Variants in GMDS observed in about 807,000 individuals in gnomAD.
GMDS encodes the protein GDP-mannose 4,6 dehydratase.
A neutral mutation model predicts 49.9 loss-of-function variants in GMDS; 20 were observed. The observed-to-expected ratio is 0.40, with a 90% CI of 0.28 to 0.58. GMDS has a LOEUF of 0.58. Ranked by LOEUF, GMDS falls within the 20% of genes least tolerant of loss-of-function variation. The pLI is 0.42. For synonymous variants in GMDS, 177 were observed against 178.6 expected (o/e 0.99, Z 0.07); for missense variants, 362 against 481.4 (o/e 0.75, Z 2.32).
chr6:1,688,575 A>T (rs1004075292), intron 9 of GMDS, among the ~76,000 whole-genome samples: 2 of 152,256 alleles, frequency 1.3e-5, no homozygotes, highest in Non-Finnish European at 2.9e-5. Context: ...TTAGCTATTG[A>T]GTCACAAATC....
At chr6:2,243,107 G>T (rs544472855) in intron 1 of GMDS, among the ~76,000 whole-genome samples, 65 of 152,230 alleles carry the variant, frequency 4.3e-4, no homozygotes, top group Admixed American at 4.2e-3. Flanking sequence ...GCAGATGCCG[G>T]AGGGAAGAAA....
intron 7 of GMDS, among the ~76,000 whole-genome samples, chr6:1,756,120 C>G (rs1026597508): frequency 6.6e-6 from 1 of 152,148 alleles, no homozygotes; most frequent in Non-Finnish European, 1.5e-5. Flanking sequence ...TTACCATAAA[C>G]AATATATTCC....
At chr6:2,195,183 T>A (rs1260760522) in intron 1 of GMDS, among the ~76,000 whole-genome samples, 1 of 152,232 alleles carries the variant, frequency 6.6e-6, no homozygotes, top group African/African-American at 2.4e-5. Context: ...AAAACGGATT[T>A]GAATTTCACT....
At position 1,951,037 on chromosome 6, in the gene GMDS, C is replaced by T. The variant is rs556866494; in HGVS notation, c.643+8830G>A. On this transcript the variant is annotated intron_variant, in intron 6 of 10. Transcript: ENST00000380815. The stretch of plus-strand genomic sequence containing the variant: ...AAAAATATCTCCAGACACTGCCAGA[C>T]GTCCTCTGGAGGAAAGAGCCACTCT... Among the ~76,000 whole-genome samples, 24 of 152,246 alleles carry T rather than the reference C, an allele frequency of 1.6e-4. 1 individual carries two copies. Among genetic ancestry groups the T allele is most frequent in the South Asian group, 1.5e-3 (7 of 4,814 alleles).
Position 1,861,312 on chromosome 6 carries a change from A to G in GMDS, c.771+68791T>C, listed in dbSNP as rs554031488. On this transcript the variant is annotated intron_variant, in intron 7 of 10. Coordinates refer to ENST00000380815, the MANE Select transcript of GMDS (RefSeq NM_001500.4). The stretch of plus-strand genomic sequence containing the variant: ...ATAAAATGGGAAGAGATGATGAAAC[A>G]TATTTAAACAAAACAAAAGAATGGT... 8.5e-5 allele frequency among the ~76,000 whole-genome samples: 13 copies of G among 152,358 alleles called. No homozygotes were observed. The South Asian group carries it at 2.7e-3, about 32-fold the overall frequency.
chr6:1,694,961 C>A (rs1765288709), intron 9 of GMDS, among the ~76,000 whole-genome samples: 1 of 152,094 alleles, frequency 6.6e-6, no homozygotes, highest in South Asian at 2.1e-4. Flanking sequence ...CCTCACAATA[C>A]CACAGAGGAG....
chr6:1,987,292 CTTCCTTT>C (rs1765613437), intron 4 of GMDS, among the ~76,000 whole-genome samples: 1 of 147,376 alleles, frequency 6.8e-6, no homozygotes, highest in South Asian at 2.2e-4. Flanking sequence ...CTTTTTTTTT[CTTCCTTT>C]CTATTTATAT....
chr6:1,731,395 C>T (rs1766800978), intron 8 of GMDS, among the ~76,000 whole-genome samples: 1 of 152,164 alleles, frequency 6.6e-6, no homozygotes, highest in Admixed American at 6.5e-5. Flanking sequence ...CCTCCAATAA[C>T]GAATGGGTCT....
chr6:1,845,392 A>C (rs1423827117), intron 7 of GMDS, among the ~76,000 whole-genome samples: 1 of 152,228 alleles, frequency 6.6e-6, no homozygotes. Flanking sequence ...ATGAGCATAT[A>C]TATATAAAAC....
chr6:1,841,218 T>C (rs1455245004), intron 7 of GMDS, among the ~76,000 whole-genome samples: 4 of 152,186 alleles, frequency 2.6e-5, no homozygotes, highest in African/African-American at 9.6e-5. Context: ...GTGCTAAAAA[T>C]CAAATGAACT....
intron 9 of GMDS, among the ~76,000 whole-genome samples, chr6:1,672,032 A>C (rs1262464256): frequency 6.6e-6 from 1 of 152,096 alleles, no homozygotes; most frequent in Admixed American, 6.5e-5. Context: ...CAACCCAATA[A>C]ATTTCAAAAT....
chr6:2,045,659 G>A (rs558482404), intron 4 of GMDS, among the ~76,000 whole-genome samples: 2 of 152,014 alleles, frequency 1.3e-5, no homozygotes, highest in Non-Finnish European at 2.9e-5. Flanking sequence ...TGGTGACAGT[G>A]GTGGTAAGGG....
At chr6:1,756,285 T>C (rs1767941616) in intron 7 of GMDS, among the ~76,000 whole-genome samples, 1 of 148,996 alleles carries the variant, frequency 6.7e-6, no homozygotes, top group Non-Finnish European at 1.5e-5. Context: ...TTTTTTGAGA[T>C]GGAGTTTCGC....
chr6:1,715,805 T>C lies in GMDS; in HGVS notation c.987+10611A>G, dbSNP rs1286556835. The stretch of plus-strand genomic sequence containing the variant: ...ACATATTCAAACTACCACTATACTT[T>C]TTAAATTTTAGAATTTCAATAAGGG... On this transcript the variant is annotated intron_variant, in intron 9 of 10. Coordinates refer to ENST00000380815, the MANE Select transcript of GMDS (RefSeq NM_001500.4). Among the ~76,000 whole-genome samples the C allele has an allele frequency of 4.6e-5, 7 of 152,222 alleles. No homozygotes were observed. In the South Asian group the frequency reaches 1.4e-3, roughly 31 times the overall value.
intron 9 of GMDS, among the ~76,000 whole-genome samples, chr6:1,698,410 T>C (rs1765418303): frequency 6.6e-6 from 1 of 152,218 alleles, no homozygotes; most frequent in Non-Finnish European, 1.5e-5. Flanking sequence ...CACACTCAGG[T>C]GTTTCGGGAA....
At chr6:1,870,098 C>A (rs755010714) in intron 7 of GMDS, among the ~76,000 whole-genome samples, 6 of 152,246 alleles carry the variant, frequency 3.9e-5, no homozygotes, top group Non-Finnish European at 8.8e-5. Flanking sequence ...AAGAGCCACA[C>A]AGGGCTGGCG....
intron 9 of GMDS, among the ~76,000 whole-genome samples, chr6:1,636,837 G>A (rs1033069452): frequency 2.6e-5 from 4 of 152,252 alleles, no homozygotes; most frequent in African/African-American, 9.6e-5. Context: ...GAATGGCGTG[G>A]AAGGCAGCAG....
chr6:2,145,115 G>T (rs1776485972), intron 1 of GMDS, among the ~76,000 whole-genome samples: 1 of 152,182 alleles, frequency 6.6e-6, no homozygotes, highest in Non-Finnish European at 1.5e-5. Context: ...TTTTCAATTA[G>T]GTGTATGATA....
At chr6:2,059,866 G>A (rs1227336926) in intron 4 of GMDS, among the ~76,000 whole-genome samples, 1 of 151,724 alleles carries the variant, frequency 6.6e-6, no homozygotes, top group Non-Finnish European at 1.5e-5. Context: ...AATTTGCATA[G>A]TAATAAATAT....
Sources: gnomAD v4.1 joint callset for allele counts (sites outside exome capture counted in the v4.1 genomes callset) on GRCh38, gnomAD v4.1.1 for gene constraint, MANE v1.5 for transcripts, NCBI Gene and HGNC (gene_info 2026-07-23, HGNC 2026-07-21) for gene names.